Variants in AGBL4 observed in about 807,000 individuals in gnomAD.
The protein encoded by AGBL4 is cytosolic carboxypeptidase 6.
AGBL4 carries 58 observed loss-of-function variants against 66.4 expected under a neutral mutation model. The observed-to-expected ratio is 0.87, with a 90% CI of 0.71 to 1.09. The LOEUF (loss-of-function observed/expected upper bound fraction) is 1.09. Among genes scored for constraint, AGBL4 ranks in the 50% least tolerant of loss-of-function variants. The pLI, the probability that AGBL4 is intolerant of heterozygous loss-of-function variation, is 0.00. For missense variants in AGBL4, 579 were observed against 631.0 expected (o/e 0.92, Z 0.88); for synonymous variants, 234 against 222.9 (o/e 1.05, Z -0.44).
intron 6 of AGBL4, among the ~76,000 whole-genome samples, chr1:48,738,824 A>C (rs1235924041): frequency 6.6e-6 from 1 of 152,130 alleles, no homozygotes; most frequent in Non-Finnish European, 1.5e-5. Context: ...TACCTGGTTC[A>C]CGTACAATGA....
chr1:48,576,464 G>T (rs1428090300), intron 11 of AGBL4, among the ~76,000 whole-genome samples: 1 of 152,130 alleles, frequency 6.6e-6, no homozygotes, highest in Non-Finnish European at 1.5e-5. Flanking sequence ...TCTTGCCAAA[G>T]AAAATATCCC....
At chr1:48,991,129 C>T (rs931215590) in intron 5 of AGBL4, among the ~76,000 whole-genome samples, 1 of 152,146 alleles carries the variant, frequency 6.6e-6, no homozygotes, top group Non-Finnish European at 1.5e-5. Flanking sequence ...AAAGAACTCC[C>T]TTTAACATTT....
chr1:48,805,782 A>T (rs79551444), intron 6 of AGBL4, among the ~76,000 whole-genome samples: 1 of 152,272 alleles, frequency 6.6e-6, no homozygotes, highest in East Asian at 1.9e-4. Flanking sequence ...CTCATGCTCT[A>T]TGACCCCCTC....
At chr1:49,527,357 T>C (rs1650750699) in intron 3 of AGBL4, 1 of 152,280 alleles carries the variant, frequency 6.6e-6, no homozygotes, top group African/African-American at 2.4e-5. Context: ...CCTATCCGTA[T>C]CAGAAATTGG....
At chr1:50,021,414 ATC>A (rs1662433639) in intron 1 of AGBL4, among the ~76,000 whole-genome samples, 1 of 152,132 alleles carries the variant, frequency 6.6e-6, no homozygotes, top group Non-Finnish European at 1.5e-5. Flanking sequence ...CTCTCTGCTT[ATC>A]TGGATGTCCT....
intron 3 of AGBL4, among the ~76,000 whole-genome samples, chr1:49,502,429 T>C (rs534639421): frequency 2.0e-5 from 3 of 152,206 alleles, no homozygotes; most frequent in African/African-American, 7.2e-5. Context: ...AGTGGGGTGC[T>C]GCTGTAAAGA....
At chr1:49,754,613 A>G (rs1651753288) in intron 2 of AGBL4, among the ~76,000 whole-genome samples, 1 of 152,108 alleles carries the variant, frequency 6.6e-6, no homozygotes, top group Non-Finnish European at 1.5e-5. Flanking sequence ...GCTCTCCTGT[A>G]TGAAGTGTCT....
chr1:49,297,352 TACAG>T (rs1557816857), intron 3 of AGBL4, among the ~76,000 whole-genome samples: 1 of 152,152 alleles, frequency 6.6e-6, no homozygotes, highest in African/African-American at 2.4e-5. Flanking sequence ...AGGAGAAAGT[TACAG>T]ACAGATAGAA....
intron 3 of AGBL4, among the ~76,000 whole-genome samples, chr1:49,388,662 T>C (rs572061310): frequency 3.3e-5 from 5 of 152,270 alleles, no homozygotes; most frequent in African/African-American, 1.2e-4. Context: ...GTCAAAGCAT[T>C]GCCACAAATG....
At chr1:48,835,639 G>T (rs938168063) in intron 6 of AGBL4, among the ~76,000 whole-genome samples, 2 of 152,124 alleles carry the variant, frequency 1.3e-5, no homozygotes, top group South Asian at 2.1e-4. Flanking sequence ...TAGTTCAGGG[G>T]TCTATAATCT....
intron 2 of AGBL4, among the ~76,000 whole-genome samples, chr1:49,834,367 C>T (rs769579495): frequency 4.6e-5 from 7 of 152,112 alleles, no homozygotes; most frequent in Non-Finnish European, 7.4e-5. Flanking sequence ...AATTTATTTG[C>T]GAAGAAGTGT....
At chr1:48,816,823 T>C (rs1558015112) in intron 6 of AGBL4, among the ~76,000 whole-genome samples, 1 of 152,144 alleles carries the variant, frequency 6.6e-6, no homozygotes, top group East Asian at 1.9e-4. Flanking sequence ...AAAGATATCA[T>C]AGTATGCAGT....
At chr1:49,832,615 A>G (rs1645722642) in intron 2 of AGBL4, among the ~76,000 whole-genome samples, 1 of 151,606 alleles carries the variant, frequency 6.6e-6, no homozygotes, top group South Asian at 2.1e-4. Context: ...TCCCACCAAG[A>G]GTGTAAAAGT....
intron 2 of AGBL4, among the ~76,000 whole-genome samples, chr1:49,719,115 C>T (rs1286853974): frequency 6.6e-6 from 1 of 151,824 alleles, no homozygotes; most frequent in Non-Finnish European, 1.5e-5. Context: ...AAACCCAAAT[C>T]CTATAAGTAA....
At chr1:49,382,002 TAAAATA>T (rs1286097859) in intron 3 of AGBL4, among the ~76,000 whole-genome samples, 2 of 151,250 alleles carry the variant, frequency 1.3e-5, no homozygotes, top group African/African-American at 2.4e-5. Flanking sequence ...ATAATAATAA[TAAAATA>T]AAAATAAAAA....
intron 1 of AGBL4, among the ~76,000 whole-genome samples, chr1:49,906,817 A>G (rs539359242): frequency 6.6e-6 from 1 of 152,226 alleles, no homozygotes; most frequent in East Asian, 1.9e-4. Flanking sequence ...CCAGCACATG[A>G]AAGCTTAGGA....
chr1:49,002,658 T>C (rs867552871), intron 5 of AGBL4, among the ~76,000 whole-genome samples: 189 of 152,372 alleles, frequency 1.2e-3, no homozygotes, highest in African/African-American at 4.3e-3. Context: ...ATTTAATCTG[T>C]TATTTATTCT....
intron 5 of AGBL4, among the ~76,000 whole-genome samples, chr1:48,902,165 G>A (rs1168977500): frequency 6.6e-6 from 1 of 152,026 alleles, no homozygotes; most frequent in East Asian, 1.9e-4. Flanking sequence ...ATTTGGGTGG[G>A]GACACAGCCA....
intron 4 of AGBL4, among the ~76,000 whole-genome samples, chr1:49,096,091 C>T (rs1329593746): frequency 1.3e-5 from 2 of 151,928 alleles, no homozygotes; most frequent in East Asian, 1.9e-4. Flanking sequence ...TGAAAAAATG[C>T]TCATCATCAC....
Sources: gnomAD v4.1 joint callset for allele counts (sites outside exome capture counted in the v4.1 genomes callset) on GRCh38, gnomAD v4.1.1 for gene constraint, MANE v1.5 for transcripts, NCBI Gene and HGNC (gene_info 2026-07-23, HGNC 2026-07-21) for gene names.